Variants in CNOT6 observed in about 807,000 individuals in gnomAD.
The protein encoded by CNOT6 is CCR4-NOT transcription complex subunit 6.
CNOT6 carries 12 observed loss-of-function variants against 61.2 expected under a neutral mutation model. The ratio of observed to expected loss-of-function variants is 0.20; its 90% CI spans 0.13 to 0.32. The LOEUF is 0.32. Ranked by LOEUF, CNOT6 falls within the 10% of genes least tolerant of loss-of-function variation. The probability of loss-of-function intolerance (pLI) is 1.00; values close to 1 mark genes in which losing one functional copy is unlikely to be tolerated. For missense variants in CNOT6, 405 were observed against 663.9 expected, an observed-to-expected ratio of 0.61 and a Z score of 4.28; for synonymous variants, 225 against 240.6, an observed-to-expected ratio of 0.94 and a Z score of 0.60.
intron 3 of CNOT6, among the ~76,000 whole-genome samples, chr5:180,551,915 A>C (rs1759622064): frequency 6.7e-6 from 1 of 149,224 alleles, no homozygotes. Flanking sequence ...TGTCGCCCAG[A>C]CTGGAGTGCA....
intron 1 of CNOT6, among the ~76,000 whole-genome samples, chr5:180,506,725 T>A (rs1459585076): frequency 2.6e-5 from 4 of 152,162 alleles, no homozygotes; most frequent in African/African-American, 4.8e-5. Context: ...TTCTCTAGAT[T>A]TTGCCTTTTA....
chr5:180,567,344 A>G (rs1306842677), intron 8 of CNOT6, 102 bp downstream of exon 8: 14 of 973,654 alleles, frequency 1.4e-5, no homozygotes, highest in Non-Finnish European at 1.9e-5. Flanking sequence ...GAGGCACTAT[A>G]TTATTACTGA....
intron 1 of CNOT6, among the ~76,000 whole-genome samples, chr5:180,509,792 T>C (rs1757296498): frequency 6.6e-6 from 1 of 151,226 alleles, no homozygotes. Flanking sequence ...GTGATCCTCC[T>C]ACCGTGGCCT....
At chr5:180,503,075 ATGATAT>A (rs1756952312) in intron 1 of CNOT6, among the ~76,000 whole-genome samples, 2 of 152,128 alleles carry the variant, frequency 1.3e-5, no homozygotes, top group African/African-American at 4.8e-5. Flanking sequence ...AAGAAAAAAA[ATGATAT>A]TGAATGCCGG....
chr5:180,568,299 T>C (rs1326330067), intron 9 of CNOT6, among the ~76,000 whole-genome samples: 1 of 150,668 alleles, frequency 6.6e-6, no homozygotes, highest in Non-Finnish European at 1.5e-5. Context: ...TTAATTAAAA[T>C]AACTGCTCAG....
intron 3 of CNOT6, among the ~76,000 whole-genome samples, chr5:180,551,479 C>T (rs1759600553): frequency 6.6e-6 from 1 of 152,208 alleles, no homozygotes; most frequent in South Asian, 2.1e-4. Context: ...CTCAAAAGAT[C>T]CTCCCATCTT....
intron 1 of CNOT6, among the ~76,000 whole-genome samples, chr5:180,512,682 C>T (rs1434224731): frequency 6.6e-6 from 1 of 150,964 alleles, no homozygotes; most frequent in African/African-American, 2.5e-5. Flanking sequence ...CTGCAGCCTC[C>T]ACCTCCCAGG....
At chr5:180,520,494 T>A (rs983273823) in intron 1 of CNOT6, among the ~76,000 whole-genome samples, 1 of 151,834 alleles carries the variant, frequency 6.6e-6, no homozygotes, top group African/African-American at 2.4e-5. Context: ...ATACAAAAAT[T>A]AGCTGGGCAT....
rs59342527 is a variant in CNOT6, at chr5:180,538,686, GTATATATATATATATATATA to G, written c.112+9309_112+9328del. Among the ~76,000 whole-genome samples, 87 of 85,134 alleles carry G rather than the reference GTATATATATATATATATATA, an allele frequency of 1.0e-3. 1 individual carries two copies. The highest frequency in any genetic ancestry group is 2.2e-3 in the Non-Finnish European group (81 of 37,164). The allele number at this position is 85,134 out of a possible 152,430, so 55.9% of individuals were successfully genotyped here. On this transcript the variant is annotated intron_variant, in intron 2 of 11. Coordinates refer to ENST00000261951, the MANE Select transcript of CNOT6 (RefSeq NM_001370472.1). The stretch of plus-strand genomic sequence containing the variant: ...GAGCGAGACTCTGTCTGAGAAAAAG[GTATATATATATATATATATA>G]TATATATATACAAAAAAATTAGCCA...
chr5:180,510,025 A>AGAAGCTTTTTGTTGTTGCT (rs1196197765), intron 1 of CNOT6, among the ~76,000 whole-genome samples: 1 of 151,452 alleles, frequency 6.6e-6, no homozygotes, highest in East Asian at 1.9e-4. Context: ...TATCTTTTGC[A>AGAAGCTTTTTGTTGTTGCT]GAAGCTTTTT....
rs1024797868 is a variant in CNOT6 at position 180,503,512 on chromosome 5, G to A, written c.-3+8749G>A. On this transcript the variant is annotated intron_variant, in intron 1 of 11. Transcript: ENST00000261951. ...ACTCCTGACCTGAAGTGATGTGCCT[G>A]CTTCGGCACCCCAAAGTGCTGGGAT... 1.3e-4 allele frequency among the ~76,000 whole-genome samples: 19 copies of A among 151,110 alleles called. No homozygotes were observed. The East Asian group carries it at 3.7e-3, about 29-fold the overall frequency.
At chr5:180,525,874 A>G (rs1002507195) in intron 1 of CNOT6, among the ~76,000 whole-genome samples, 9 of 152,172 alleles carry the variant, frequency 5.9e-5, no homozygotes, top group Non-Finnish European at 1.3e-4. Flanking sequence ...GAGGTCAGAG[A>G]AGTGACCATT....
At chr5:180,549,581 G>A (rs979030918) in intron 2 of CNOT6, among the ~76,000 whole-genome samples, 7 of 152,054 alleles carry the variant, frequency 4.6e-5, no homozygotes, top group East Asian at 1.9e-4. Context: ...CCCGGGAGGC[G>A]GAGCTTGCAG....
rs56899929 is a variant in CNOT6, at chr5:180,510,134, C to CTTTTTT, written c.-3+15401_-3+15406dup. ...TAAATGAGGTTTATCGTCTGTAAAC[C>CTTTTTT]TTTTTTTTTTTTTTTTTTTTTTTTT... On this transcript the variant is annotated intron_variant, in intron 1 of 11. Coordinates refer to ENST00000261951, the MANE Select transcript of CNOT6 (RefSeq NM_001370472.1). 8.5e-3 allele frequency among the ~76,000 whole-genome samples: 319 copies of CTTTTTT among 37,374 alleles called. 40 individuals are homozygous for CTTTTTT. The highest frequency in any genetic ancestry group is 9.0e-3 in the Non-Finnish European group (188 of 20,878). 24.5% of individuals were successfully genotyped at this position (37,374 alleles called of 152,430 possible).
chr5:180,543,873 C>G (rs570950721), intron 2 of CNOT6, among the ~76,000 whole-genome samples: 5 of 151,926 alleles, frequency 3.3e-5, no homozygotes, highest in African/African-American at 1.2e-4. Context: ...TGCAGTGGCA[C>G]GATCTCAGCT....
intron 7 of CNOT6, among the ~76,000 whole-genome samples, chr5:180,566,214 C>G (rs987654064): frequency 8.5e-5 from 13 of 152,322 alleles, no homozygotes; most frequent in African/African-American, 3.1e-4. Context: ...TACTCACCTT[C>G]CTCCTCCCTC....
At chr5:180,522,484 A>G (rs1331259542) in intron 1 of CNOT6, among the ~76,000 whole-genome samples, 2 of 152,304 alleles carry the variant, frequency 1.3e-5, no homozygotes, top group East Asian at 3.9e-4. Flanking sequence ...TTACATTCCC[A>G]CCAGCAGTGT....
intron 4 of CNOT6, among the ~76,000 whole-genome samples, chr5:180,562,061 CT>C (rs1581562157): frequency 6.6e-6 from 1 of 152,088 alleles, no homozygotes; most frequent in Non-Finnish European, 1.5e-5. Flanking sequence ...TGTTGGGATT[CT>C]TTTGGGTCTG....
intron 4 of CNOT6, among the ~76,000 whole-genome samples, chr5:180,562,765 A>G (rs1760251786): frequency 6.6e-6 from 1 of 152,124 alleles, no homozygotes; most frequent in African/African-American, 2.4e-5. Context: ...AAAAGAAAAC[A>G]GCATCACTGT....
Sources: gnomAD v4.1 joint callset for allele counts (sites outside exome capture counted in the v4.1 genomes callset) on GRCh38, gnomAD v4.1.1 for gene constraint, MANE v1.5 for transcripts, NCBI Gene and HGNC (gene_info 2026-07-23, HGNC 2026-07-21) for gene names.